The following ANGPT1 variants were observed in gnomAD, a reference collection of about 807,000 sequenced individuals.
ANGPT1 encodes angiopoietin 1.
In ANGPT1, 17 loss-of-function variants were observed where a neutral mutation model predicts 62.2. The ratio of observed to expected loss-of-function variants is 0.27; its 90% confidence interval spans 0.19 to 0.41. The LOEUF is 0.41. Ranked by LOEUF, ANGPT1 falls within the 10% of genes least tolerant of loss-of-function variation. The pLI is 1.00. For synonymous variants in ANGPT1, 199 were observed against 198.9 expected (o/e 1.00, Z 0.00); for missense variants, 478 against 594.9 (o/e 0.80, Z 2.04).
intron 1 of ANGPT1, among the ~76,000 whole-genome samples, chr8:107,390,287 G>C (rs1816809889): frequency 6.6e-6 from 1 of 152,154 alleles, no homozygotes; most frequent in South Asian, 2.1e-4. Flanking sequence ...TGAGCACATT[G>C]GAACCTAATA....
chr8:107,483,151 T>C (rs530297924), intron 1 of ANGPT1, among the ~76,000 whole-genome samples: 2 of 152,340 alleles, frequency 1.3e-5, no homozygotes, highest in Non-Finnish European at 1.5e-5. Context: ...TAGGATACTA[T>C]ATAGAGATAA....
chr8:107,338,481 G>C (rs71524706), intron 2 of ANGPT1, among the ~76,000 whole-genome samples: 1 of 152,208 alleles, frequency 6.6e-6, no homozygotes, highest in Non-Finnish European at 1.5e-5. Context: ...ATGGGGCAGA[G>C]AATGGTGAGA....
rs869079818 is a variant in ANGPT1, at chr8:107,423,827, C to CT, written c.297+73434dup. Among the ~76,000 whole-genome samples the CT allele has an allele frequency of 4.0e-3, 297 of 74,474 alleles. 16 individuals are homozygous for CT. Among genetic ancestry groups the CT allele is most frequent in the African/African-American group, 0.012 (203 of 17,592 alleles). 48.9% of individuals were successfully genotyped at this position (74,474 alleles called of 152,430 possible). A position where few individuals can be genotyped will look rare whatever the true frequency, so the allele number is the denominator to read the frequency against. On this transcript the variant is annotated intron_variant, in intron 1 of 8. Coordinates refer to ENST00000517746, the MANE Select transcript of ANGPT1 (RefSeq NM_001146.5). Reference sequence around the variant, plus strand: ...TTCAGGTACCTTTTCCTTTTCCTTTCTTTTTTTTTTTTTTTTTTTTTTTTT... The same window carrying CT: ...TTCAGGTACCTTTTCCTTTTCCTTTCTTTTTTTTTTTTTTTTTTTTTTTTTT...
chr8:107,292,202 T>C (rs538017303), intron 6 of ANGPT1, among the ~76,000 whole-genome samples: 1 of 152,164 alleles, frequency 6.6e-6, no homozygotes, highest in Non-Finnish European at 1.5e-5. Context: ...ATCAGGTTTA[T>C]GCCTAATTCT....
chr8:107,481,730 T>C (rs1812692368), intron 1 of ANGPT1, among the ~76,000 whole-genome samples: 1 of 152,036 alleles, frequency 6.6e-6, no homozygotes, highest in South Asian at 2.1e-4. Context: ...AGGCATCTCT[T>C]CACAGGGCTG....
chr8:107,264,497 G>T, intron 7 of ANGPT1, 146 bp from the exon 8 acceptor site: 1 of 977,592 alleles, frequency 1.0e-6, no homozygotes, highest in Non-Finnish European at 1.5e-6. Flanking sequence ...GGAGACCCAA[G>T]CTATCTGAAC....
intron 5 of ANGPT1, among the ~76,000 whole-genome samples, chr8:107,300,960 T>C (rs1030809132): frequency 3.3e-5 from 5 of 151,878 alleles, no homozygotes; most frequent in African/African-American, 1.2e-4. Flanking sequence ...GGATTATGAA[T>C]TGAGGTGGGA....
At chr8:107,261,684 G>A (rs898541584) in intron 8 of ANGPT1, among the ~76,000 whole-genome samples, 9 of 149,768 alleles carry the variant, frequency 6.0e-5, no homozygotes, top group Admixed American at 5.3e-4. Context: ...CAGCCTGGGT[G>A]ACAGAGCAAG....
chr8:107,469,431 G>C (rs948120746), intron 1 of ANGPT1, among the ~76,000 whole-genome samples: 1 of 151,852 alleles, frequency 6.6e-6, no homozygotes, highest in Admixed American at 6.6e-5. Context: ...AATGCTTGGG[G>C]GGTACACATG....
chr8:107,430,762 T>G (rs1283683), intron 1 of ANGPT1, among the ~76,000 whole-genome samples: 91,193 of 152,094 alleles, frequency 0.6, 28,021 homozygotes, highest in African/African-American at 0.73. Context: ...CAAAGAAATC[T>G]ATTCTCCCTT....
intron 1 of ANGPT1, among the ~76,000 whole-genome samples, chr8:107,429,651 A>G (rs1811127117): frequency 4.2e-5 from 2 of 47,326 alleles, no homozygotes; most frequent in South Asian, 5.7e-4. Flanking sequence ...CCAGGAGGAA[A>G]AAAAAAAAAA....
intron 5 of ANGPT1, chr8:107,294,238 C>T (rs1177182646): frequency 2.4e-6 from 1 of 409,414 alleles, no homozygotes. Flanking sequence ...GATTAAATTC[C>T]ATCAATGATG....
intron 1 of ANGPT1, among the ~76,000 whole-genome samples, chr8:107,385,662 A>T (rs1389670002): frequency 6.6e-6 from 1 of 151,934 alleles, no homozygotes; most frequent in Non-Finnish European, 1.5e-5. Context: ...GACTTCTGGT[A>T]CTATGCTGAA....
At chr8:107,301,724 C>T (rs1343908312) in intron 5 of ANGPT1, among the ~76,000 whole-genome samples, 1 of 151,920 alleles carries the variant, frequency 6.6e-6, no homozygotes, top group African/African-American at 2.4e-5. Flanking sequence ...CACTCCACTC[C>T]TACATTTTAC....
intron 3 of ANGPT1, among the ~76,000 whole-genome samples, chr8:107,333,998 G>T: frequency 7.4e-6 from 1 of 135,286 alleles, no homozygotes; most frequent in African/African-American, 2.7e-5. Flanking sequence ...GGGAGGGAGG[G>T]AAGGAAGGAA....
chr8:107,364,968 G>A (rs887208899), intron 1 of ANGPT1, among the ~76,000 whole-genome samples: 4 of 115,548 alleles, frequency 3.5e-5, no homozygotes, highest in Non-Finnish European at 6.3e-5. Flanking sequence ...ATTGCAGAAG[G>A]GGGAAAAAAA....
chr8:107,336,093 G>A (rs1815551149), intron 3 of ANGPT1, 57 bp downstream of exon 3: 1 of 1,497,280 alleles, frequency 6.7e-7, no homozygotes. Context: ...TTGGCAGAGA[G>A]GTGAAGGATA....
intron 5 of ANGPT1, among the ~76,000 whole-genome samples, chr8:107,300,191 G>A (rs1309267114): frequency 6.8e-6 from 1 of 148,040 alleles, no homozygotes; most frequent in Non-Finnish European, 1.5e-5. Flanking sequence ...AGATATATAT[G>A]CTTAGAAGAA....
At chr8:107,332,208 T>A (rs1815439381) in intron 3 of ANGPT1, among the ~76,000 whole-genome samples, 1 of 152,208 alleles carries the variant, frequency 6.6e-6, no homozygotes, top group Non-Finnish European at 1.5e-5. Context: ...TTCATCTCAC[T>A]CCCTTTGTGG....
Sources: gnomAD v4.1 joint callset for allele counts (sites outside exome capture counted in the v4.1 genomes callset) on GRCh38, gnomAD v4.1.1 for gene constraint, MANE v1.5 for transcripts, NCBI Gene and HGNC (gene_info 2026-07-23, HGNC 2026-07-21) for gene names.